The following CNGA3 variants were observed in gnomAD, a reference collection of about 807,000 sequenced individuals.
The protein encoded by CNGA3 is cyclic nucleotide-gated channel alpha-3.
In CNGA3, 42 loss-of-function variants were observed where a neutral mutation model predicts 46.6. The ratio of observed to expected loss-of-function variants is 0.90; its 90% CI spans 0.70 to 1.17. The LOEUF (loss-of-function observed/expected upper bound fraction) is 1.17, where lower values mean the gene tolerates loss of function less well. Among genes scored for constraint, CNGA3 ranks in the 50% most tolerant of loss-of-function variants. The probability of loss-of-function intolerance (pLI) is 0.00; values close to 1 mark genes in which losing one functional copy is unlikely to be tolerated. For missense variants in CNGA3, 893 were observed against 890.7 expected (o/e 1.00, Z -0.03); for synonymous variants, 394 against 369.4 (o/e 1.07, Z -0.76).
rs574677520 is a variant in CNGA3, at chr2:98,369,861, A to G, written c.-37-78A>G. On this transcript the variant is annotated intron_variant, in intron 1 of 7. Coordinates refer to ENST00000272602, the MANE Select transcript of CNGA3 (RefSeq NM_001298.3). ...GGCTTGCAGGGGGGCCGCGTGCGGT[A>G]GCCCTTGCCCTTGATGAGCTGGGTT... The G allele has an allele frequency of 8.4e-5, 75 of 887,612 alleles. 1 individual carries two copies. Among genetic ancestry groups the G allele is most frequent in the South Asian group, 2.7e-4 (19 of 70,798 alleles). 55.0% of individuals were successfully genotyped at this position (887,612 alleles called of 1,614,324 possible). A position where few individuals can be genotyped will look rare whatever the true frequency, so the allele number is the denominator to read the frequency against.
intron 7 of CNGA3, among the ~76,000 whole-genome samples, chr2:98,393,206 G>C (rs924282831): frequency 6.6e-6 from 1 of 151,920 alleles, no homozygotes; most frequent in East Asian, 1.9e-4. Flanking sequence ...TCATGGCCTC[G>C]GTTTACAGAG....
Position 98,391,906 on chromosome 2 carries a change from G to T in CNGA3, c.609G>T (p.Trp203Cys), listed in dbSNP as rs757650055. The change falls in exon 7 of 8, where the codon TGG becomes TGT. Residue 203 changes from tryptophan (W) to cysteine (C), a missense_variant. Transcript: ENST00000272602. ...TGCAGTCCGAGTACCTGATGCTGTG[G>T]CTGGTCCTGGACTACTCGGCAGATG... ...DELQSEYLMLWLVLDYSADVL... is the reference protein window; with the variant it reads ...DELQSEYLMLCLVLDYSADVL... The T allele has an allele frequency of 5.6e-6, 9 of 1,614,082 alleles. No homozygotes were observed. The highest frequency in any genetic ancestry group is 7.6e-6 in the Non-Finnish European group (9 of 1,180,044).
intron 2 of CNGA3, among the ~76,000 whole-genome samples, chr2:98,375,621 TTATGAG>T (rs1372076923): frequency 6.6e-6 from 1 of 152,240 alleles, no homozygotes; most frequent in Non-Finnish European, 1.5e-5. Flanking sequence ...AGTGGGTTTC[TTATGAG>T]TATAAGGGGA....
At chr2:98,394,708 G>A (rs56352007) in intron 7 of CNGA3, among the ~76,000 whole-genome samples, 29,092 of 152,004 alleles carry the variant, frequency 0.19, 2,932 homozygotes, top group South Asian at 0.27. Flanking sequence ...CAGGCAGTAA[G>A]CACTTTAGCA....
At chr2:98,352,454 G>A (rs374093870) in intron 1 of CNGA3, among the ~76,000 whole-genome samples, 2 of 152,132 alleles carry the variant, frequency 1.3e-5, no homozygotes, top group East Asian at 3.8e-4. Flanking sequence ...TTGAGGAACT[G>A]CCCAGCTGTT....
At chr2:98,369,912 C>A in intron 1 of CNGA3, 27 bp from the exon 2 acceptor site, 1 of 1,405,332 alleles carries the variant, frequency 7.1e-7, no homozygotes, top group Non-Finnish European at 1.0e-6. Context: ...GTCCTGATGA[C>A]GTGTCTGCTT....
intron 1 of CNGA3, among the ~76,000 whole-genome samples, chr2:98,365,350 T>C (rs1424119886): frequency 6.6e-6 from 1 of 152,212 alleles, no homozygotes. Context: ...TTTTCCTTCA[T>C]TTCAACCTTG....
At chr2:98,355,841 G>T (rs1195515019) in intron 1 of CNGA3, 1 of 152,216 alleles carries the variant, frequency 6.6e-6, no homozygotes, top group Non-Finnish European at 1.5e-5. Flanking sequence ...GCTGGGAAGA[G>T]AAGCCATCTC....
chr2:98,367,525 T>G (rs1430755958), intron 1 of CNGA3, among the ~76,000 whole-genome samples: 1 of 152,084 alleles, frequency 6.6e-6, no homozygotes, highest in Non-Finnish European at 1.5e-5. Flanking sequence ...GCCATCTTGG[T>G]CCCTCCCCGG....
chr2:98,352,910 C>T (rs1288678750), intron 1 of CNGA3, among the ~76,000 whole-genome samples: 1 of 152,104 alleles, frequency 6.6e-6, no homozygotes, highest in African/African-American at 2.4e-5. Context: ...ATACAGTTGA[C>T]CCTTGAGCAA....
At chr2:98,382,647 G>A (rs796463459) in intron 4 of CNGA3, among the ~76,000 whole-genome samples, 14 of 152,372 alleles carry the variant, frequency 9.2e-5, no homozygotes, top group African/African-American at 3.1e-4. Context: ...ACCCAGCCAT[G>A]TTGAAAATGT....
chr2:98,372,253 T>G (rs1007086394), intron 2 of CNGA3, among the ~76,000 whole-genome samples: 1 of 152,222 alleles, frequency 6.6e-6, no homozygotes, highest in Non-Finnish European at 1.5e-5. Flanking sequence ...ACCTGTATCC[T>G]GTTGAAGCTT....
In CNGA3 at chr2:98,397,610, T is replaced by C. The variant is rs1396904460; in HGVS notation, c.*355T>C. ...TTTAGGCTTTTTAATCTGATTTTCTTATAAATGAAAGATTATTTAGTCACC... is the reference window on the plus strand; with the variant it reads ...TTTAGGCTTTTTAATCTGATTTTCTCATAAATGAAAGATTATTTAGTCACC... On this transcript the variant is annotated 3_prime_UTR_variant, in exon 8 of 8. Transcript: ENST00000272602. 2.9e-6 allele frequency: 1 copy of C among 341,478 alleles called. No individual in the cohort carries two copies. The highest frequency in any genetic ancestry group is 5.5e-6 in the Non-Finnish European group (1 of 182,684). The allele number at this position is 341,478 out of a possible 1,614,324, so 21.2% of individuals were successfully genotyped here. A position where few individuals can be genotyped will look rare whatever the true frequency, so the allele number is the denominator to read the frequency against.
At chr2:98,388,801 C>T (rs974028064) in intron 5 of CNGA3, among the ~76,000 whole-genome samples, 1 of 152,154 alleles carries the variant, frequency 6.6e-6, no homozygotes, top group Non-Finnish European at 1.5e-5. Context: ...CTGTAGGGAA[C>T]GTCCCAAAGC....
rs998041981 is a variant in CNGA3, at chr2:98,397,229, A to G, written c.2059A>G (p.Thr687Ala). The G allele has an allele frequency of 3.1e-6, 5 of 1,613,802 alleles. No homozygotes were observed. Among genetic ancestry groups the G allele is most frequent in the Admixed American group, 3.3e-5 (2 of 60,008 alleles). The change falls in exon 8 of 8, where the codon ACA becomes GCA. Residue 687 changes from threonine to alanine, a missense_variant. Thr to Ala is a moderately conservative substitution (Grantham distance 58, BLOSUM62 0). Around this residue, in one of 3 missense-constraint regions of CNGA3, gnomAD observed 548 missense variants for 570.8 expected, o/e 0.96. Coordinates refer to ENST00000272602, the MANE Select transcript of CNGA3 (RefSeq NM_001298.3). ...LADGEVPGDA[T>A]KTEDKQQ ...TGATGGGGAAGTTCCCGGGGATGCTACAAAAACAGAGGACAAACAACAGTG... is the reference window on the plus strand; with the variant it reads ...TGATGGGGAAGTTCCCGGGGATGCTGCAAAAACAGAGGACAAACAACAGTG...
At chr2:98,384,645 C>G (rs1558814855) in intron 5 of CNGA3, among the ~76,000 whole-genome samples, 1 of 152,188 alleles carries the variant, frequency 6.6e-6, no homozygotes, top group Non-Finnish European at 1.5e-5. Flanking sequence ...ATGTGTTTGA[C>G]TTAAAGCCAA....
chr2:98,379,454 G>C (rs539214567), intron 3 of CNGA3, among the ~76,000 whole-genome samples: 1 of 152,318 alleles, frequency 6.6e-6, no homozygotes, highest in African/African-American at 2.4e-5. Flanking sequence ...CAGCAGGCAG[G>C]GTGGAGGGAA....
intron 2 of CNGA3, among the ~76,000 whole-genome samples, chr2:98,372,764 C>G (rs935074031): frequency 6.6e-6 from 1 of 152,122 alleles, no homozygotes; most frequent in Non-Finnish European, 1.5e-5. Flanking sequence ...CTCCCACTCC[C>G]GGTCTTGGAA....
intron 1 of CNGA3, among the ~76,000 whole-genome samples, chr2:98,352,280 G>A (rs1691784949): frequency 6.6e-6 from 1 of 152,100 alleles, no homozygotes; most frequent in African/African-American, 2.4e-5. Flanking sequence ...ATTTATCGGT[G>A]GATAGGCCCT....
Sources: allele counts gnomAD v4.1 joint callset (sites outside exome capture counted in the v4.1 genomes callset), GRCh38; gene constraint gnomAD v4.1.1; regional missense constraint gnomAD v4.1.1; transcripts MANE v1.5; gene names NCBI Gene and HGNC (gene_info 2026-07-23, HGNC 2026-07-21).